The following SKI variants were observed in gnomAD, a reference collection of about 807,000 sequenced individuals.
SKI encodes ski oncogene.
Under a neutral mutation model 59.3 loss-of-function variants are expected in SKI, and 23 were observed. The ratio of observed to expected loss-of-function variants is 0.39; its 90% CI spans 0.28 to 0.55. SKI has a LOEUF of 0.55. Ranked by LOEUF, SKI falls within the 20% of genes least tolerant of loss-of-function variation. The pLI is 0.67. For synonymous variants in SKI, 673 were observed against 488.6 expected, an observed-to-expected ratio of 1.38 and a Z score of -4.98; for missense variants, 1,017 against 1,038.9, an observed-to-expected ratio of 0.98 and a Z score of 0.29.
chr1:2,270,540 G>T lies in SKI; in HGVS notation c.970-32438G>T, dbSNP rs981503191. The stretch of plus-strand genomic sequence containing the variant: ...ATCTGGCGATTGTAAAACGGGCAGT[G>T]TGCAGTGTTGAGGGGGCGCTGGGGA... On this transcript the variant is annotated intron_variant, in intron 1 of 6. Transcript: ENST00000378536. The surrounding 1 kb of genome is among the most constrained non-coding windows in gnomAD (Gnocchi z 4.1). Among the ~76,000 whole-genome samples, 1 of 152,218 alleles carries T rather than the reference G, an allele frequency of 6.6e-6. No homozygotes were observed. Among genetic ancestry groups the T allele is most frequent in the Non-Finnish European group, 1.5e-5 (1 of 68,030 alleles).
At chr1:2,273,763 T>G (rs532879404) in intron 1 of SKI, among the ~76,000 whole-genome samples, 4 of 152,302 alleles carry the variant, frequency 2.6e-5, no homozygotes, top group African/African-American at 9.6e-5. Context: ...AGATGCCCCG[T>G]GGGCAGCGTT....
In SKI at chr1:2,265,904, G is replaced by T. The variant is rs147872132; in HGVS notation, c.969+36169G>T. ...GATCATTTGAACCCGGGAGGTGGAGGTTGCAGTGAGCTTCAATCGCGCCAC... is the reference window on the plus strand; with the variant it reads ...GATCATTTGAACCCGGGAGGTGGAGTTTGCAGTGAGCTTCAATCGCGCCAC... On this transcript the variant is annotated intron_variant, in intron 1 of 6. Coordinates refer to ENST00000378536, the MANE Select transcript of SKI (RefSeq NM_003036.4). 1.2e-4 allele frequency among the ~76,000 whole-genome samples: 19 copies of T among 152,132 alleles called. No individual in the cohort carries two copies. In the East Asian group the frequency reaches 2.9e-3, roughly 23 times the overall value.
chr1:2,298,952 T>C (rs938350598), intron 1 of SKI, among the ~76,000 whole-genome samples: 2 of 152,090 alleles, frequency 1.3e-5, no homozygotes, highest in Non-Finnish European at 2.9e-5. Flanking sequence ...CTGCCTTCTC[T>C]AGTTGGGTGG....
intron 1 of SKI, among the ~76,000 whole-genome samples, chr1:2,246,137 G>A (rs1015005060): frequency 6.6e-6 from 1 of 152,146 alleles, no homozygotes; most frequent in African/African-American, 2.4e-5. Flanking sequence ...CATAGTGGCT[G>A]CAGCATTTTC....
Position 2,303,908 on chromosome 1 carries a change from A to G in SKI, c.1280A>G (p.Gln427Arg). The change falls in exon 4 of 7, where the codon CAG becomes CGG. Residue 427 changes from glutamine to arginine, a missense_variant. Transcript: ENST00000378536. This position sits in a 1 kb window ranked among gnomAD's most constrained non-coding sequence, Gnocchi z 5.6. ...GTGGCCCTCGCACCGCCGGCCCAGC[A>G]GAAGGTTGTGAGCAGCCCTCCGTGT... ...PNVALAPPAQ[Q>R]KVVSSPPCAA... 1 of 1,612,302 alleles carries G rather than the reference A, an allele frequency of 6.2e-7. No individual in the cohort carries two copies. Among genetic ancestry groups the G allele is most frequent in the Non-Finnish European group, 8.5e-7 (1 of 1,179,792 alleles).
chr1:2,246,422 C>G (rs1196029064), intron 1 of SKI, among the ~76,000 whole-genome samples: 3 of 152,098 alleles, frequency 2.0e-5, no homozygotes. Flanking sequence ...GGTTAGTGAT[C>G]CTGTTCTACT....
At position 2,306,648 on chromosome 1, in the gene SKI, G is replaced by A. The variant is rs2100925891; in HGVS notation, c.2070G>A (p.Arg690=). ...AGCAGCTGCGGGCCGACCTGCTGCG[G>A]GAGCGCGAGGCCCGGGAGCACCTGG... ...DREQLRADLL[R]EREAREHLEK... Residue 690 remains arginine, a synonymous_variant, in exon 7 of 7, where the codon CGG becomes CGA. Coordinates refer to ENST00000378536, the MANE Select transcript of SKI (RefSeq NM_003036.4). The A allele has an allele frequency of 1.3e-6, 2 of 1,545,092 alleles. No individual in the cohort carries two copies. The highest frequency in any genetic ancestry group is 4.9e-5 in the East Asian group (2 of 40,708).
At chr1:2,285,520 AC>A (rs1557840288) in intron 1 of SKI, among the ~76,000 whole-genome samples, 1 of 151,608 alleles carries the variant, frequency 6.6e-6, no homozygotes, top group Non-Finnish European at 1.5e-5. Context: ...TGTCTCAAAA[AC>A]AAACAATAAA....
intron 1 of SKI, among the ~76,000 whole-genome samples, chr1:2,239,922 G>T (rs1343807479): frequency 1.3e-5 from 2 of 152,218 alleles, no homozygotes; most frequent in Admixed American, 1.3e-4. Context: ...GCGGGTCCCC[G>T]TAACTTCAGT....
At chr1:2,272,783 T>A (rs1180070627) in intron 1 of SKI, among the ~76,000 whole-genome samples, 2 of 152,302 alleles carry the variant, frequency 1.3e-5, no homozygotes, top group Non-Finnish European at 2.9e-5. Context: ...CCCCGGCCTA[T>A]GTGTGCTGAC....
At chr1:2,298,755 A>G (rs879833946) in intron 1 of SKI, among the ~76,000 whole-genome samples, 7 of 152,194 alleles carry the variant, frequency 4.6e-5, no homozygotes, top group Non-Finnish European at 7.3e-5. Context: ...TGCTGTATCA[A>G]CGCGCCCACC....
Position 2,303,643 on chromosome 1 carries a change from C to T in SKI, c.1212-197C>T. The T allele has an allele frequency of 3.9e-6, 3 of 769,038 alleles. No homozygotes were observed. The highest frequency in any genetic ancestry group is 2.7e-5 in the East Asian group (1 of 37,314). 47.6% of individuals were successfully genotyped at this position (769,038 alleles called of 1,614,324 possible). A position where few individuals can be genotyped will look rare whatever the true frequency, so the allele number is the denominator to read the frequency against. On this transcript the variant is annotated intron_variant, in intron 3 of 6. Transcript: ENST00000378536. This position sits in a 1 kb window ranked among gnomAD's most constrained non-coding sequence, Gnocchi z 5.6. ...TGGGCGCAGCTTCTTGATGTGTTGG[C>T]CTGTGTCTGGCCTTCGCAAGAGACC... is the stretch of plus-strand genomic sequence containing the variant.
rs1235092174 is a variant in SKI at position 2,303,901 on chromosome 1, G to A, written c.1273G>A (p.Ala425Thr). The A allele has an allele frequency of 6.2e-7, 1 of 1,612,318 alleles. No individual in the cohort carries two copies. The highest frequency in any genetic ancestry group is 8.5e-7 in the Non-Finnish European group (1 of 1,179,808). The part of the protein sequence containing the change: ...VAPNVALAPP[A>T]QQKVVSSPPC... Reference sequence around the variant, plus strand: ...GCCCAACGTGGCCCTCGCACCGCCGGCCCAGCAGAAGGTTGTGAGCAGCCC... The same window carrying A: ...GCCCAACGTGGCCCTCGCACCGCCGACCCAGCAGAAGGTTGTGAGCAGCCC... The change falls in exon 4 of 7, where the codon GCC (alanine) becomes ACC (threonine). Residue 425 changes from alanine to threonine, a missense_variant. Coordinates refer to ENST00000378536, the MANE Select transcript of SKI (RefSeq NM_003036.4). This position sits in a 1 kb window ranked among gnomAD's most constrained non-coding sequence, Gnocchi z 5.6.
At chr1:2,232,914 C>T (rs1335710710) in intron 1 of SKI, among the ~76,000 whole-genome samples, 1 of 152,182 alleles carries the variant, frequency 6.6e-6, no homozygotes, top group Non-Finnish European at 1.5e-5. Flanking sequence ...CTGAGCCTTC[C>T]CCACTCCCAC....
intron 1 of SKI, among the ~76,000 whole-genome samples, chr1:2,286,836 G>A (rs1569820230): frequency 6.6e-6 from 1 of 152,252 alleles, no homozygotes; most frequent in Non-Finnish European, 1.5e-5. Flanking sequence ...TACACGGGCT[G>A]GGAATGGCAG....
chr1:2,300,706 G>T (rs141159560), intron 1 of SKI, among the ~76,000 whole-genome samples: 1 of 152,184 alleles, frequency 6.6e-6, no homozygotes, highest in African/African-American at 2.4e-5. Flanking sequence ...CCTGAGAGCC[G>T]GGAGTCGCCT....
intron 1 of SKI, among the ~76,000 whole-genome samples, chr1:2,250,791 G>A (rs760589691): frequency 8.5e-5 from 13 of 152,262 alleles, no homozygotes; most frequent in Admixed American, 5.9e-4. Flanking sequence ...CCTGCCTGGC[G>A]GCTCAGCTGA....
chr1:2,299,868 A>G (rs1417798489), intron 1 of SKI, among the ~76,000 whole-genome samples: 1 of 152,068 alleles, frequency 6.6e-6, no homozygotes, highest in Non-Finnish European at 1.5e-5. Flanking sequence ...GCATTTTTGG[A>G]GAGCGTCTTT....
chr1:2,238,043 G>A (rs750757430), intron 1 of SKI, among the ~76,000 whole-genome samples: 2 of 152,232 alleles, frequency 1.3e-5, no homozygotes, highest in Non-Finnish European at 1.5e-5. Context: ...GCGCTGGGCT[G>A]TGGCAGCCCC....
Sources: allele counts gnomAD v4.1 joint callset (sites outside exome capture counted in the v4.1 genomes callset), GRCh38; gene constraint gnomAD v4.1.1; non-coding constraint Gnocchi (gnomAD v3.1); transcripts MANE v1.5; gene names NCBI Gene and HGNC (gene_info 2026-07-23, HGNC 2026-07-21).